Variants in NCKAP5 observed in about 807,000 individuals in gnomAD.
NCKAP5 encodes the protein nck-associated protein 5.
Under a neutral mutation model 167.0 loss-of-function variants are expected in NCKAP5, and 92 were observed. That is an observed-to-expected ratio of 0.55 (90% CI 0.47 to 0.66). The LOEUF is 0.66. NCKAP5 is among the 30% of genes least tolerant of loss of function. The probability of loss-of-function intolerance (pLI) is 0.00; values close to 1 mark genes in which losing one functional copy is unlikely to be tolerated. For missense variants in NCKAP5, 2,378 were observed against 2,315.0 expected (o/e 1.03, Z -0.56); for synonymous variants, 891 against 877.4 (o/e 1.02, Z -0.27).
At chr2:133,603,206 G>GT in the NCKAP5 span, among the ~76,000 whole-genome samples, 666 of 142,690 alleles carry the variant, frequency 4.7e-3, 3 homozygotes, top group African/African-American at 0.013. Flanking sequence ...GATGGCATCG[G>GT]TTTTTTTTTT....
chr2:133,323,424 C>T (rs2150684803), intron 3 of NCKAP5, among the ~76,000 whole-genome samples: 1 of 152,328 alleles, frequency 6.6e-6, no homozygotes, highest in East Asian at 1.9e-4. Context: ...TCAGGGTTTT[C>T]CTCCTCATCC....
Position 133,000,033 on chromosome 2 carries a change from C to A in NCKAP5, c.342-5794G>T, listed in dbSNP as rs188546561. Reference sequence around the variant, plus strand: ...TGTTTACTTGCTGATTAATCAAATACCTACTTAATAATGAAATTAACCATG... The same window carrying A: ...TGTTTACTTGCTGATTAATCAAATAACTACTTAATAATGAAATTAACCATG... On this transcript the variant is annotated intron_variant, in intron 6 of 19. Transcript: ENST00000409261. Among the ~76,000 whole-genome samples the A allele has an allele frequency of 1.1e-3, 171 of 152,216 alleles. 1 individual carries two copies. Among genetic ancestry groups the A allele is most frequent in the Middle Eastern group, 3.4e-3 (1 of 294 alleles).
intron 9 of NCKAP5, among the ~76,000 whole-genome samples, chr2:132,876,878 A>G (rs529702515): frequency 4.9e-4 from 75 of 152,360 alleles, no homozygotes; most frequent in African/African-American, 1.7e-3. Context: ...CACACAAAAT[A>G]CAGACTATGA....
the NCKAP5 span, among the ~76,000 whole-genome samples, chr2:133,663,267 C>T: frequency 1.6e-5 from 2 of 126,866 alleles, no homozygotes; most frequent in South Asian, 2.6e-4. Context: ...AGCGAGACTC[C>T]GTCTCAAAAA....
At chr2:133,527,582 C>T (rs1685026631) in intron 2 of NCKAP5, among the ~76,000 whole-genome samples, 1 of 135,652 alleles carries the variant, frequency 7.4e-6, no homozygotes. Context: ...ATACTGAAAA[C>T]AATAGGAAGA....
chr2:133,267,940 C>T (rs2089320107), intron 4 of NCKAP5, among the ~76,000 whole-genome samples: 1 of 152,132 alleles, frequency 6.6e-6, no homozygotes, highest in Admixed American at 6.5e-5. Flanking sequence ...AGTCTTAAAG[C>T]ATGGAAGAAC....
chr2:132,997,772 TG>T (rs1436326607), intron 6 of NCKAP5, among the ~76,000 whole-genome samples: 1 of 151,022 alleles, frequency 6.6e-6, no homozygotes, highest in African/African-American at 2.4e-5. Context: ...ATTTCTGACC[TG>T]GGGAGAGCAT....
chr2:133,585,566 T>C, the NCKAP5 span, among the ~76,000 whole-genome samples: 1 of 152,262 alleles, frequency 6.6e-6, no homozygotes, highest in Admixed American at 6.5e-5. Context: ...TATCATTTTG[T>C]CATGGATTAT....
chr2:133,323,291 T>C (rs147004844), intron 3 of NCKAP5, among the ~76,000 whole-genome samples: 13 of 152,328 alleles, frequency 8.5e-5, no homozygotes, highest in African/African-American at 3.1e-4. Context: ...ATTAACAGTG[T>C]CTGACATAGA....
intron 11 of NCKAP5, among the ~76,000 whole-genome samples, chr2:132,812,979 A>G (rs947054855): frequency 1.3e-5 from 2 of 152,162 alleles, no homozygotes; most frequent in African/African-American, 4.8e-5. Flanking sequence ...TCACTTCCCA[A>G]CGTTCCTGCC....
At chr2:133,384,210 A>C (rs984746003) in intron 3 of NCKAP5, among the ~76,000 whole-genome samples, 6 of 152,286 alleles carry the variant, frequency 3.9e-5, no homozygotes, top group African/African-American at 1.2e-4. Flanking sequence ...TAAGTCTTTA[A>C]TCCATCTTTA....
At chr2:132,687,467 G>A (rs1474523603) in intron 19 of NCKAP5, among the ~76,000 whole-genome samples, 1 of 152,090 alleles carries the variant, frequency 6.6e-6, no homozygotes, top group Non-Finnish European at 1.5e-5. Context: ...TTTCCTCTTT[G>A]CTAGATTTAG....
At chr2:133,366,281 T>C (rs1053603649) in intron 3 of NCKAP5, among the ~76,000 whole-genome samples, 8 of 152,238 alleles carry the variant, frequency 5.3e-5, no homozygotes, top group African/African-American at 1.7e-4. Flanking sequence ...ATTGGTGATT[T>C]AAATCTTAAA....
chr2:132,747,947 T>C (rs1679788019), intron 16 of NCKAP5, among the ~76,000 whole-genome samples: 1 of 152,174 alleles, frequency 6.6e-6, no homozygotes, highest in Non-Finnish European at 1.5e-5. Flanking sequence ...CCTTCTTCTG[T>C]ATTCAGTTTA....
In NCKAP5 at chr2:132,771,256, G is replaced by C. The variant is rs181279258; in HGVS notation, c.5128+2560C>G. ...GTGATATTGATGATTCTGACCCTGC[G>C]GAGGCCTAGCTAATATGTGTGTTTG... On this transcript the variant is annotated intron_variant, in intron 16 of 19. Transcript: ENST00000409261. 1.9e-3 allele frequency among the ~76,000 whole-genome samples: 282 copies of C among 152,140 alleles called. 5 individuals are homozygous for C. The highest frequency in any genetic ancestry group is 1.3e-4 in the Non-Finnish European group (9 of 68,016).
chr2:133,048,021 C>G (rs749064164), intron 6 of NCKAP5, among the ~76,000 whole-genome samples: 16 of 152,176 alleles, frequency 1.1e-4, no homozygotes, highest in Non-Finnish European at 2.1e-4. Context: ...GTCTTAGAAT[C>G]CCGAAAGATT....
At chr2:133,616,513 A>G in the NCKAP5 span, among the ~76,000 whole-genome samples, 3 of 151,436 alleles carry the variant, frequency 2.0e-5, no homozygotes, top group Admixed American at 2.0e-4. Context: ...ATCAGAGAAT[A>G]CTACCAACAC....
intron 8 of NCKAP5, among the ~76,000 whole-genome samples, chr2:132,927,658 G>A (rs1243893857): frequency 6.6e-6 from 1 of 151,746 alleles, no homozygotes; most frequent in Non-Finnish European, 1.5e-5. Flanking sequence ...ATTGACTTGT[G>A]GATTTGGTTC....
At chr2:132,823,548 G>C (rs1171850471) in intron 11 of NCKAP5, among the ~76,000 whole-genome samples, 1 of 151,698 alleles carries the variant, frequency 6.6e-6, no homozygotes, top group Non-Finnish European at 1.5e-5. Flanking sequence ...AATGCTAAAA[G>C]GAGTTTAAAA....
Sources: allele counts gnomAD v4.1 joint callset (sites outside exome capture counted in the v4.1 genomes callset), GRCh38; gene constraint gnomAD v4.1.1; transcripts MANE v1.5; gene names NCBI Gene and HGNC (gene_info 2026-07-23, HGNC 2026-07-21).